Variants in UTRN observed in about 807,000 individuals in gnomAD.
The protein encoded by UTRN is dystrophin-related protein 1.
A neutral mutation model predicts 463.9 loss-of-function variants in UTRN; 283 were observed. That is an observed-to-expected ratio of 0.61 (90% CI 0.55 to 0.67). The LOEUF (loss-of-function observed/expected upper bound fraction) is 0.67, where lower values mean the gene tolerates loss of function less well. Among genes scored for constraint, UTRN ranks in the 30% least tolerant of loss-of-function variants. The pLI, the probability that UTRN is intolerant of heterozygous loss-of-function variation, is 0.00. For missense variants in UTRN, 3,922 were observed against 4,084.3 expected (o/e 0.96, Z 1.08); for synonymous variants, 1,442 against 1,431.5 (o/e 1.01, Z -0.17).
chr6:144,383,989 C>CA (rs1187555439), intron 2 of UTRN, among the ~76,000 whole-genome samples: 3 of 151,924 alleles, frequency 2.0e-5, no homozygotes, highest in Non-Finnish European at 2.9e-5. Context: ...CTCTTTTCTT[C>CA]AAAAAAATAA....
At chr6:144,465,512 C>CT (rs1439302734) in intron 23 of UTRN, among the ~76,000 whole-genome samples, 10 of 152,112 alleles carry the variant, frequency 6.6e-5, no homozygotes, top group Non-Finnish European at 1.5e-4. Flanking sequence ...ATGTCCAGTA[C>CT]TTTTTTTATT....
At chr6:144,571,189 T>C (rs1157875349) in intron 50 of UTRN, among the ~76,000 whole-genome samples, 1 of 152,152 alleles carries the variant, frequency 6.6e-6, no homozygotes, top group East Asian at 1.9e-4. Flanking sequence ...TAGTGCCTTT[T>C]TAGCACAGCC....
At chr6:144,409,134 C>G (rs961900977) in intron 3 of UTRN, among the ~76,000 whole-genome samples, 20 of 152,222 alleles carry the variant, frequency 1.3e-4, no homozygotes, top group African/African-American at 4.8e-4. Context: ...TAAACACCAG[C>G]TTCCAGATAC....
intron 54 of UTRN, among the ~76,000 whole-genome samples, chr6:144,732,259 C>T (rs200554010): frequency 0.063 from 5,896 of 93,680 alleles, 385 homozygotes; most frequent in African/African-American, 0.23. Context: ...TATATATATA[C>T]ACACATATAT....
intron 51 of UTRN, among the ~76,000 whole-genome samples, chr6:144,652,982 A>C (rs944032748): frequency 1.3e-5 from 2 of 152,194 alleles, no homozygotes; most frequent in Admixed American, 6.5e-5. Flanking sequence ...CAGGAAGGTA[A>C]ATGTGTTTTA....
chr6:144,767,949 G>A (rs1181741021), intron 58 of UTRN, among the ~76,000 whole-genome samples: 1 of 152,100 alleles, frequency 6.6e-6, no homozygotes, highest in Non-Finnish European at 1.5e-5. Context: ...GTATATTTGG[G>A]TAAGTGTTAG....
At chr6:144,288,607 T>C (rs1306994307) in intron 1 of UTRN, among the ~76,000 whole-genome samples, 2 of 152,192 alleles carry the variant, frequency 1.3e-5, no homozygotes, top group Non-Finnish European at 2.9e-5. Context: ...TTTATAGTTA[T>C]GTACTTGAAT....
At chr6:144,778,722 T>G (rs185142731) in intron 60 of UTRN, among the ~76,000 whole-genome samples, 35 of 152,252 alleles carry the variant, frequency 2.3e-4, no homozygotes, top group African/African-American at 7.5e-4. Context: ...GTTCATTGTT[T>G]TGCAGAACAG....
At chr6:144,431,519 A>G (rs996857787) in intron 9 of UTRN, among the ~76,000 whole-genome samples, 2 of 152,220 alleles carry the variant, frequency 1.3e-5, no homozygotes, top group Admixed American at 6.5e-5. Flanking sequence ...TTCTTTCTAC[A>G]AACATACGCT....
At chr6:144,812,477 TA>T (rs569287372) in intron 65 of UTRN, among the ~76,000 whole-genome samples, 30 of 152,264 alleles carry the variant, frequency 2.0e-4, no homozygotes, top group African/African-American at 7.0e-4. Flanking sequence ...TGAAGTTCAG[TA>T]GTGCATAGAT....
intron 62 of UTRN, 40 bp from the exon 63 acceptor site, chr6:144,793,794 G>T (rs757146735): frequency 6.2e-7 from 1 of 1,602,456 alleles, no homozygotes; most frequent in Non-Finnish European, 8.5e-7. Context: ...AAAAGAACAT[G>T]GTAGACAGAT....
chr6:144,586,843 A>G (rs6915747), intron 51 of UTRN, among the ~76,000 whole-genome samples: 82,636 of 151,962 alleles, frequency 0.54, 24,572 homozygotes, highest in East Asian at 0.85. Context: ...TCGTGACTCA[A>G]GCATTTTAGA....
chr6:144,760,763 G>A (rs1377008888), intron 58 of UTRN, among the ~76,000 whole-genome samples: 1 of 152,158 alleles, frequency 6.6e-6, no homozygotes, highest in East Asian at 1.9e-4. Flanking sequence ...TTGCATGATT[G>A]CCATGCAATG....
chr6:144,681,617 A>G (rs1479699641), intron 52 of UTRN, among the ~76,000 whole-genome samples: 1 of 151,826 alleles, frequency 6.6e-6, no homozygotes, highest in Non-Finnish European at 1.5e-5. Flanking sequence ...AAAGAGACAG[A>G]AGGGGAGGTG....
rs894196013 is a variant in UTRN, at chr6:144,384,514, C to T, written c.80-18609C>T. ...CCGCCCATGGAAAAATTGTCTTTCA[C>T]AAAACCGGTTCCTTTTTGGTGCCAA... On this transcript the variant is annotated intron_variant, in intron 2 of 74. Coordinates refer to ENST00000367545, the MANE Select transcript of UTRN (RefSeq NM_007124.3). Among the ~76,000 whole-genome samples the T allele has an allele frequency of 3.9e-5, 6 of 152,220 alleles. No homozygotes were observed. In the East Asian group the frequency reaches 9.6e-4, roughly 24 times the overall value.
chr6:144,440,531 T>G, intron 13 of UTRN, 60 bp downstream of exon 13: 1 of 1,604,984 alleles, frequency 6.2e-7, no homozygotes, highest in Non-Finnish European at 8.5e-7. Flanking sequence ...CCCAATTACA[T>G]ATTGCCCTTG....
intron 2 of UTRN, among the ~76,000 whole-genome samples, chr6:144,322,892 G>A (rs368733291): frequency 6.6e-6 from 1 of 150,824 alleles, no homozygotes; most frequent in Admixed American, 6.6e-5. Flanking sequence ...GCAGTGAGCC[G>A]AGATTGCGCC....
intron 2 of UTRN, among the ~76,000 whole-genome samples, chr6:144,318,494 C>T (rs1775421350): frequency 6.6e-6 from 1 of 152,028 alleles, no homozygotes; most frequent in African/African-American, 2.4e-5. Flanking sequence ...GACCGAGTTT[C>T]GCTCTATCGC....
At chr6:144,553,881 A>T (rs1223134393) in intron 48 of UTRN, among the ~76,000 whole-genome samples, 1 of 148,170 alleles carries the variant, frequency 6.7e-6, no homozygotes, top group Non-Finnish European at 1.5e-5. Flanking sequence ...GTGCCACTGC[A>T]CTCCAGCCTG....
Sources: gnomAD v4.1 joint callset for allele counts (sites outside exome capture counted in the v4.1 genomes callset) on GRCh38, gnomAD v4.1.1 for gene constraint, MANE v1.5 for transcripts, NCBI Gene and HGNC (gene_info 2026-07-23, HGNC 2026-07-21) for gene names.